Variants in FANCL observed in about 807,000 individuals in gnomAD.
FANCL encodes the protein E3 ubiquitin-protein ligase FANCL.
Under a neutral mutation model 59.4 loss-of-function variants are expected in FANCL, and 69 were observed. The ratio of observed to expected loss-of-function variants is 1.16; its 90% CI spans 0.96 to 1.42. The LOEUF (loss-of-function observed/expected upper bound fraction) is 1.42, where lower values mean the gene tolerates loss of function less well. FANCL is among the 40% of genes most tolerant of loss of function. The pLI is 0.00. For synonymous variants in FANCL, 180 were observed against 147.1 expected, an observed-to-expected ratio of 1.22 and a Z score of -1.62; for missense variants, 519 against 447.2, an observed-to-expected ratio of 1.16 and a Z score of -1.45.
At chr2:58,229,425 C>A (rs1386878793) in intron 3 of FANCL, among the ~76,000 whole-genome samples, 1 of 152,118 alleles carries the variant, frequency 6.6e-6, no homozygotes, top group Non-Finnish European at 1.5e-5. Context: ...TAAATTATTT[C>A]TGCCACATCT....
In FANCL at chr2:58,226,761, T is replaced by C; in HGVS notation, c.240A>G (p.Leu80=). 2 of 1,613,604 alleles carry C rather than the reference T, an allele frequency of 1.2e-6. No individual in the cohort carries two copies. Among genetic ancestry groups the C allele is most frequent in the African/African-American group, 2.7e-5 (2 of 75,010 alleles). ...TCTTCAACTCCATCATAAAGCTCAT[T>C]AGATCAGGAGAGTGCTGCATTCTCT... The part of the protein sequence containing the change: ...VQQRMQHSPD[L]MSFMMELKML... The change falls in exon 4 of 14, where the codon CTA becomes CTG. Residue 80 remains leucine, a synonymous_variant. Transcript: ENST00000233741.
chr2:58,184,555 GTC>G (rs1009694302), intron 7 of FANCL, among the ~76,000 whole-genome samples: 4 of 151,932 alleles, frequency 2.6e-5, no homozygotes, highest in African/African-American at 9.7e-5. Flanking sequence ...GCAAAATGCC[GTC>G]TGTTTTGTGC....
Position 58,181,789 on chromosome 2 carries a change from A to T in FANCL, c.541-15915T>A, listed in dbSNP as rs184236479. 7.2e-4 allele frequency among the ~76,000 whole-genome samples: 110 copies of T among 152,002 alleles called. 1 individual carries two copies. The highest frequency in any genetic ancestry group is 9.6e-4 in the East Asian group (5 of 5,186). ...AATAAAACATTGGAGGGGGGAATGAATCTCAAAAATATTAAATAAATGATA... is the reference window on the plus strand; with the variant it reads ...AATAAAACATTGGAGGGGGGAATGATTCTCAAAAATATTAAATAAATGATA... On this transcript the variant is annotated intron_variant, in intron 7 of 13. Transcript: ENST00000233741.
At chr2:58,239,892 A>T (rs1694354835) in intron 1 of FANCL, among the ~76,000 whole-genome samples, 1 of 152,252 alleles carries the variant, frequency 6.6e-6, no homozygotes, top group Non-Finnish European at 1.5e-5. Flanking sequence ...CTGTAAATTT[A>T]AAATATATAC....
At chr2:58,215,899 T>C (rs1460337873) in intron 5 of FANCL, among the ~76,000 whole-genome samples, 1 of 151,346 alleles carries the variant, frequency 6.6e-6, no homozygotes, top group Non-Finnish European at 1.5e-5. Flanking sequence ...AGAAAGGCAA[T>C]GAAAAACAAG....
In FANCL at chr2:58,200,104, A is replaced by G. The variant is rs577796907; in HGVS notation, c.472-1442T>C. Among the ~76,000 whole-genome samples, 27 of 141,970 alleles carry G rather than the reference A, an allele frequency of 1.9e-4. No homozygotes were observed. In the East Asian group the frequency reaches 2.4e-3, roughly 13 times the overall value. The allele number at this position is 141,970 out of a possible 152,430, so 93.1% of individuals were successfully genotyped here. The stretch of plus-strand genomic sequence containing the variant: ...AAATATTCCAGTGGTCTACTTCTGG[A>G]AAAAAAAAAAAAGAAAAAAATATCA... On this transcript the variant is annotated intron_variant, in intron 6 of 13. Coordinates refer to ENST00000233741, the MANE Select transcript of FANCL (RefSeq NM_018062.4).
intron 7 of FANCL, among the ~76,000 whole-genome samples, chr2:58,169,382 C>T (rs1189912791): frequency 2.0e-5 from 3 of 152,110 alleles, no homozygotes; most frequent in Non-Finnish European, 4.4e-5. Context: ...GACATCCACA[C>T]CAAAACCCCA....
In FANCL at chr2:58,220,304, T is replaced by C. The variant is rs577921303; in HGVS notation, c.374+1638A>G. 8.1e-4 allele frequency among the ~76,000 whole-genome samples: 123 copies of C among 152,316 alleles called. 1 individual carries two copies. The highest frequency in any genetic ancestry group is 2.7e-3 in the African/African-American group (113 of 41,576). On this transcript the variant is annotated intron_variant, in intron 5 of 13. Transcript: ENST00000233741. ...AAAAAATTAAGTCTACATAAAGTCATGACTGAAGGAATGGCTAACCTATCT... is the reference window on the plus strand; with the variant it reads ...AAAAAATTAAGTCTACATAAAGTCACGACTGAAGGAATGGCTAACCTATCT...
At chr2:58,217,494 A>T (rs1430423084) in intron 5 of FANCL, among the ~76,000 whole-genome samples, 3 of 151,754 alleles carry the variant, frequency 2.0e-5, no homozygotes, top group Non-Finnish European at 4.4e-5. Context: ...AATCTGTTTT[A>T]AAAAAATGCA....
At chr2:58,198,470 G>T in intron 7 of FANCL, 124 bp downstream of exon 7, 1 of 708,716 alleles carries the variant, frequency 1.4e-6, no homozygotes, top group Non-Finnish European at 2.4e-6. Flanking sequence ...TAAGAGATTT[G>T]GGTATGCATG....
chr2:58,207,670 A>T (rs1259448302), intron 5 of FANCL, among the ~76,000 whole-genome samples: 2 of 152,228 alleles, frequency 1.3e-5, no homozygotes, highest in Non-Finnish European at 2.9e-5. Context: ...TTATGACAGA[A>T]AAAAATATCT....
chr2:58,166,224 G>T (rs1685943163), intron 7 of FANCL, among the ~76,000 whole-genome samples: 1 of 151,940 alleles, frequency 6.6e-6, no homozygotes, highest in African/African-American at 2.4e-5. Context: ...AGCTAACATT[G>T]GACCTATACA....
chr2:58,178,055 C>T (rs546643351), intron 7 of FANCL, among the ~76,000 whole-genome samples: 5 of 151,982 alleles, frequency 3.3e-5, no homozygotes, highest in Non-Finnish European at 7.4e-5. Flanking sequence ...AGTCAAATCC[C>T]GAAATAGATC....
intron 3 of FANCL, among the ~76,000 whole-genome samples, chr2:58,229,197 A>C (rs921480857): frequency 1.3e-5 from 2 of 152,200 alleles, no homozygotes; most frequent in Non-Finnish European, 2.9e-5. Flanking sequence ...CAAATGCATA[A>C]AGCATAAAAA....
chr2:58,211,281 G>C (rs1173853037), intron 5 of FANCL, among the ~76,000 whole-genome samples: 1 of 152,206 alleles, frequency 6.6e-6, no homozygotes, highest in Non-Finnish European at 1.5e-5. Context: ...GCCAAGGCTT[G>C]GGGTTTGCAC....
At chr2:58,191,137 A>T (rs1429189617) in intron 7 of FANCL, among the ~76,000 whole-genome samples, 3 of 151,838 alleles carry the variant, frequency 2.0e-5, no homozygotes, top group Admixed American at 2.0e-4. Flanking sequence ...TAAAAAAAAA[A>T]ATTCAAATAG....
At chr2:58,201,387 A>G (rs1690008052) in intron 6 of FANCL, among the ~76,000 whole-genome samples, 1 of 151,882 alleles carries the variant, frequency 6.6e-6, no homozygotes, top group African/African-American at 2.4e-5. Context: ...AAAAAAGATT[A>G]CATAATATTA....
In FANCL at chr2:58,165,111, CAT is replaced by C. The variant is rs374301486; in HGVS notation, c.691+611_691+612del. On this transcript the variant is annotated intron_variant, in intron 8 of 13. Coordinates refer to ENST00000233741, the MANE Select transcript of FANCL (RefSeq NM_018062.4). ...AAAATCTTGAGAAAGGCTGAAGTCACATGTTTTGCTTGCTTATAATGAAAATA... is the reference window on the plus strand; with the variant it reads ...AAAATCTTGAGAAAGGCTGAAGTCACGTTTTGCTTGCTTATAATGAAAATA... Among the ~76,000 whole-genome samples, 432 of 152,216 alleles carry C rather than the reference CAT, an allele frequency of 2.8e-3. 3 individuals carry two copies. The highest frequency in any genetic ancestry group is 0.014 in the Middle Eastern group (4 of 294).
intron 7 of FANCL, among the ~76,000 whole-genome samples, chr2:58,169,367 A>G (rs1218734413): frequency 3.9e-5 from 6 of 152,266 alleles, no homozygotes; most frequent in Admixed American, 3.9e-4. Context: ...AACATCAACA[A>G]AAAGGACATC....
Sources: gnomAD v4.1 joint callset for allele counts (sites outside exome capture counted in the v4.1 genomes callset) on GRCh38, gnomAD v4.1.1 for gene constraint, MANE v1.5 for transcripts, NCBI Gene and HGNC (gene_info 2026-07-23, HGNC 2026-07-21) for gene names.